Variants in ZFC3H1 observed in about 807,000 individuals in gnomAD.
ZFC3H1 encodes zinc finger C3H1-type containing, also known as zinc finger C3H1 domain-containing protein.
Under a neutral mutation model 243.7 loss-of-function variants are expected in ZFC3H1, and 71 were observed. The ratio of observed to expected loss-of-function variants is 0.29; its 90% CI spans 0.24 to 0.36. The LOEUF (loss-of-function observed/expected upper bound fraction) is 0.36, where lower values mean the gene tolerates loss of function less well. Ranked by LOEUF, ZFC3H1 falls within the 10% of genes least tolerant of loss-of-function variation. The pLI is 1.00. For synonymous variants in ZFC3H1, 838 were observed against 813.0 expected (o/e 1.03, Z -0.52); for missense variants, 1,966 against 2,317.1 (o/e 0.85, Z 3.11).
chr12:71,641,727 G>A (rs536414225), intron 6 of ZFC3H1, among the ~76,000 whole-genome samples: 6 of 152,294 alleles, frequency 3.9e-5, no homozygotes, highest in Admixed American at 3.3e-4. Flanking sequence ...TATCGTACTA[G>A]AAAGAGACAG....
In ZFC3H1 at chr12:71,632,276, T is replaced by C; in HGVS notation, c.3056A>G (p.Gln1019Arg). 2 of 1,613,884 alleles carry C rather than the reference T, an allele frequency of 1.2e-6. No individual in the cohort carries two copies. Among genetic ancestry groups the C allele is most frequent in the Middle Eastern group, 1.7e-4 (1 of 6,060 alleles). ...TTCAGTGTCCAGGGTTAATTTATCT[T>C]GTGTCAGATCATGAAGTGAGGGTTG... is the stretch of plus-strand genomic sequence containing the variant. Reference protein sequence around the residue: ...LPQPSLHDLTQDKLTLDTEEN... With the variant: ...LPQPSLHDLTRDKLTLDTEEN... The change falls in exon 15 of 35, where the codon CAA becomes CGA. Residue 1019 changes from glutamine (Q) to arginine (R), a missense_variant. Transcript: ENST00000378743.
chr12:71,638,424 C>G lies in ZFC3H1; in HGVS notation c.1719G>C (p.Gln573His), dbSNP rs760750225. The G allele has an allele frequency of 6.2e-7, 1 of 1,611,002 alleles. No individual in the cohort carries two copies. Among genetic ancestry groups the G allele is most frequent in the Non-Finnish European group, 8.5e-7 (1 of 1,178,866 alleles). Residue 573 changes from glutamine to histidine, a missense_variant, in exon 7 of 35, where the codon CAG (glutamine) becomes CAC (histidine). Transcript: ENST00000378743. ...GAAATCAATTCTGACTTACAGAAAC[C>G]TGAGGTGGTGGAGGCAAAGAAAGAG... ...APSLSLPPPP[Q>H]VSSLPPLSQP... is the part of the protein sequence containing the mutation.
In ZFC3H1 at chr12:71,629,692, A is replaced by T. The variant is rs1880272050; in HGVS notation, c.3743T>A (p.Leu1248His). The T allele has an allele frequency of 1.2e-6, 2 of 1,612,370 alleles. No individual in the cohort carries two copies. Among genetic ancestry groups the T allele is most frequent in the African/African-American group, 1.3e-5 (1 of 74,888 alleles). The stretch of plus-strand genomic sequence containing the variant: ...CATTCGATCTTTGTTTACTCCAAAA[A>T]GTTTCTCAACATATTTTTCTGAAAT... ...TASAEKYVEK[L>H]FGVNKDRMSM... The change falls in exon 19 of 35, where the codon CTT (leucine) becomes CAT (histidine). Residue 1248 changes from leucine (L) to histidine (H), a missense_variant. Coordinates refer to ENST00000378743, the MANE Select transcript of ZFC3H1 (RefSeq NM_144982.5).
At position 71,618,248 on chromosome 12, in the gene ZFC3H1, G is replaced by C. The variant is rs117890110; in HGVS notation, c.5144+1067C>G. Among the ~76,000 whole-genome samples the C allele has an allele frequency of 8.8e-3, 1,333 of 150,802 alleles. 8 individuals carry two copies. The highest frequency in any genetic ancestry group is 0.015 in the Non-Finnish European group (992 of 67,820). On this transcript the variant is annotated intron_variant, in intron 27 of 34. Transcript: ENST00000378743. ...CCACTGCACCCCAGCCTGGGAGACA[G>C]AGCAAGATTCCGTTCTCTTAAAATA...
chr12:71,632,338 A>G lies in ZFC3H1; in HGVS notation c.2994T>C (p.Ser998=), dbSNP rs1246548292. The G allele has an allele frequency of 1.9e-6, 3 of 1,613,632 alleles. No individual in the cohort carries two copies. Among genetic ancestry groups the G allele is most frequent in the African/African-American group, 2.7e-5 (2 of 74,846 alleles). ...ALKAKEQQNI[S]PVVEEEPEFS... ...ATTCGGGTTCCTCTTCCACAACTGG[A>G]GAGATATTTTGTTGTTCCTTTGCTT... The change falls in exon 15 of 35, where the codon TCT becomes TCC. Residue 998 remains serine (S), a synonymous_variant. Coordinates refer to ENST00000378743, the MANE Select transcript of ZFC3H1 (RefSeq NM_144982.5).
At chr12:71,646,837 A>G (rs894091315) in intron 3 of ZFC3H1, among the ~76,000 whole-genome samples, 9 of 152,256 alleles carry the variant, frequency 5.9e-5, no homozygotes, top group African/African-American at 2.2e-4. Context: ...TACGTGAGGT[A>G]GCTACTTGAA....
At chr12:71,638,376 G>A in intron 7 of ZFC3H1, 42 bp downstream of exon 7, 1 of 1,570,880 alleles carries the variant, frequency 6.4e-7, no homozygotes, top group South Asian at 1.2e-5. Flanking sequence ...AATTAGAAAA[G>A]ACAAGACAAA....
intron 6 of ZFC3H1, 119 bp from the exon 7 acceptor site, chr12:71,638,634 C>G: frequency 7.5e-6 from 6 of 803,246 alleles, no homozygotes; most frequent in Non-Finnish European, 1.1e-5. Flanking sequence ...ATTTTATCAA[C>G]CTCTGATAAA....
intron 3 of ZFC3H1, among the ~76,000 whole-genome samples, chr12:71,646,290 C>T (rs572627917): frequency 9.2e-5 from 14 of 152,244 alleles, no homozygotes; most frequent in Non-Finnish European, 1.9e-4. Flanking sequence ...TTAAATTCTA[C>T]GTCACTTAAA....
chr12:71,624,341 CA>C, intron 22 of ZFC3H1, 49 bp from the exon 23 acceptor site: 1 of 1,495,864 alleles, frequency 6.7e-7, no homozygotes, highest in Non-Finnish European at 9.0e-7. Context: ...AGGAATAAAC[CA>C]AAACTACAGA....
intron 22 of ZFC3H1, among the ~76,000 whole-genome samples, chr12:71,624,608 G>A (rs916968061): frequency 1.3e-5 from 2 of 152,198 alleles, no homozygotes; most frequent in Non-Finnish European, 2.9e-5. Context: ...ATATCCAAAA[G>A]TACACATTTA....
chr12:71,660,470 T>A (rs1881137188), intron 1 of ZFC3H1: 1 of 150,296 alleles, frequency 6.7e-6, no homozygotes, highest in Admixed American at 6.6e-5. Flanking sequence ...TATGACAAGT[T>A]ACTACGGAAA....
At chr12:71,612,206 T>A (rs1417835464) in intron 31 of ZFC3H1, among the ~76,000 whole-genome samples, 1 of 151,868 alleles carries the variant, frequency 6.6e-6, no homozygotes, top group Non-Finnish European at 1.5e-5. Flanking sequence ...AATGGCTTGA[T>A]AGTAATGCAA....
chr12:71,626,474 T>C, intron 21 of ZFC3H1, 28 bp from the exon 22 acceptor site: 3 of 1,555,096 alleles, frequency 1.9e-6, no homozygotes, highest in Non-Finnish European at 2.6e-6. Flanking sequence ...AAGGTGGAAG[T>C]GCTTTTTAGA....
At chr12:71,660,057 A>C (rs1881124973) in intron 1 of ZFC3H1, among the ~76,000 whole-genome samples, 1 of 152,248 alleles carries the variant, frequency 6.6e-6, no homozygotes, top group Admixed American at 6.5e-5. Context: ...CTTAGTTATT[A>C]CAGTGAAAGG....
Position 71,636,863 on chromosome 12 carries a change from G to C in ZFC3H1, c.1922C>G (p.Ala641Gly). The C allele has an allele frequency of 6.2e-7, 1 of 1,613,888 alleles. No homozygotes were observed. The highest frequency in any genetic ancestry group is 8.5e-7 in the Non-Finnish European group (1 of 1,179,888). Residue 641 changes from alanine to glycine, a missense_variant, in exon 8 of 35, where the codon GCT becomes GGT. Coordinates refer to ENST00000378743, the MANE Select transcript of ZFC3H1 (RefSeq NM_144982.5). ...ELLKSLANKRAFKPEETSSNS... is the reference protein window; with the variant it reads ...ELLKSLANKRGFKPEETSSNS... ...TACCTAAATTACCTCTGGCTTAAAA[G>C]CTCTTTTATTTGCTAGAGATTTAAG... is the stretch of plus-strand genomic sequence containing the variant.
intron 18 of ZFC3H1, 45 bp from the exon 19 acceptor site, chr12:71,629,755 G>T: frequency 8.3e-7 from 1 of 1,207,208 alleles, no homozygotes; most frequent in Non-Finnish European, 1.2e-6. Context: ...ATCAATTACA[G>T]AGACTAGGAT....
Position 71,627,839 on chromosome 12 carries a change from C to T in ZFC3H1, c.4042G>A (p.Ala1348Thr), listed in dbSNP as rs367851178. 1.9e-6 allele frequency: 3 copies of T among 1,613,640 alleles called. No individual in the cohort carries two copies. The highest frequency in any genetic ancestry group is 1.3e-5 in the African/African-American group (1 of 74,866). ...TCAAGCACACTTGCTTCTAAATTAG[C>T]GATGTCATCAGTCTCATTTGTAAAG... ...RYFTNETDDIANLEASVLENP... is the reference protein window; with the variant it reads ...RYFTNETDDITNLEASVLENP... Residue 1348 changes from alanine to threonine, a missense_variant, in exon 21 of 35, where the codon GCT (alanine) becomes ACT (threonine). By Grantham distance (58) the Ala-to-Thr change is moderately conservative. Around this residue, in one of 4 missense-constraint regions of ZFC3H1, gnomAD observed 1,383 missense variants for 1,723.7 expected, o/e 0.80. Transcript: ENST00000378743.
At chr12:71,652,231 CCTTT>C (rs950936009) in intron 2 of ZFC3H1, among the ~76,000 whole-genome samples, 1 of 152,076 alleles carries the variant, frequency 6.6e-6, no homozygotes, top group Non-Finnish European at 1.5e-5. Flanking sequence ...CATTTTAGTT[CCTTT>C]GATTTTCCTC....
Sources: gnomAD v4.1 joint callset for allele counts (sites outside exome capture counted in the v4.1 genomes callset) on GRCh38, gnomAD v4.1.1 for gene constraint, gnomAD v4.1.1 regional missense constraint, MANE v1.5 for transcripts, NCBI Gene and HGNC (gene_info 2026-07-23, HGNC 2026-07-21) for gene names.